The following UVRAG variants were observed in gnomAD, a reference collection of about 807,000 sequenced individuals.
UVRAG encodes UV radiation resistance-associated gene protein.
UVRAG carries 19 observed loss-of-function variants against 78.0 expected under a neutral mutation model. The ratio of observed to expected loss-of-function variants is 0.24; its 90% CI spans 0.17 to 0.36. UVRAG has a LOEUF of 0.36. Ranked by LOEUF, UVRAG falls within the 10% of genes least tolerant of loss-of-function variation. The pLI, the probability that UVRAG is intolerant of heterozygous loss-of-function variation, is 1.00. For missense variants in UVRAG, 740 were observed against 853.8 expected, an observed-to-expected ratio of 0.87 and a Z score of 1.66; for synonymous variants, 323 against 324.6, an observed-to-expected ratio of 1.00 and a Z score of 0.05.
At chr11:75,840,520 C>T (rs1001652280) in intron 1 of UVRAG, among the ~76,000 whole-genome samples, 3 of 152,048 alleles carry the variant, frequency 2.0e-5, no homozygotes, top group South Asian at 2.1e-4. Flanking sequence ...AGTTCAGAGT[C>T]GCAGTTTGTT....
rs1024795820 is a variant in UVRAG at position 75,908,712 on chromosome 11, C to CTTTTTTTT, written c.508-3222_508-3215dup. ...ACCAGTCAAATAATCTGGTTCTGGGCTTTTTTTTTTTTTTTTTTTTTTTTT... is the reference window on the plus strand; with the variant it reads ...ACCAGTCAAATAATCTGGTTCTGGGCTTTTTTTTTTTTTTTTTTTTTTTTTTTTTTTTT... On this transcript the variant is annotated intron_variant, in intron 5 of 14. Transcript: ENST00000356136. 4.8e-4 allele frequency among the ~76,000 whole-genome samples: 22 copies of CTTTTTTTT among 45,452 alleles called. 1 individual carries two copies. The highest frequency in any genetic ancestry group is 1.6e-3 in the African/African-American group (19 of 11,592). The allele number at this position is 45,452 out of a possible 152,430, so 29.8% of individuals were successfully genotyped here.
intron 3 of UVRAG, 118 bp from the exon 4 acceptor site, chr11:75,879,761 C>T: frequency 7.5e-7 from 1 of 1,338,138 alleles, no homozygotes; most frequent in Non-Finnish European, 1.0e-6. Flanking sequence ...CTTAAGTTTG[C>T]AATTTAATGT....
intron 6 of UVRAG, among the ~76,000 whole-genome samples, chr11:75,941,459 C>G (rs1394019704): frequency 2.0e-5 from 3 of 152,110 alleles, no homozygotes; most frequent in African/African-American, 7.2e-5. Context: ...AGAAGTTTCT[C>G]AGGTTTTTTT....
At chr11:75,995,158 A>G (rs928120250) in intron 8 of UVRAG, among the ~76,000 whole-genome samples, 2 of 147,186 alleles carry the variant, frequency 1.4e-5, no homozygotes, top group Non-Finnish European at 3.0e-5. Context: ...CTGATGATAT[A>G]TTTTCCAGCA....
intron 12 of UVRAG, among the ~76,000 whole-genome samples, chr11:76,050,450 T>A (rs1950843058): frequency 6.6e-6 from 1 of 152,244 alleles, no homozygotes; most frequent in African/African-American, 2.4e-5. Context: ...AATAAGAATC[T>A]GAGCTTAACA....
intron 13 of UVRAG, among the ~76,000 whole-genome samples, chr11:76,069,362 A>G (rs1951257764): frequency 1.3e-5 from 2 of 152,158 alleles, no homozygotes; most frequent in Non-Finnish European, 2.9e-5. Context: ...TCAGCACCAT[A>G]TATTAATATT....
chr11:75,866,669 T>C (rs539028004), intron 3 of UVRAG, among the ~76,000 whole-genome samples: 1 of 152,148 alleles, frequency 6.6e-6, no homozygotes, highest in Non-Finnish European at 1.5e-5. Context: ...GCTTCTTTGG[T>C]ATGTAATAAT....
At chr11:76,009,829 T>C (rs1950018877) in intron 11 of UVRAG, among the ~76,000 whole-genome samples, 1 of 152,178 alleles carries the variant, frequency 6.6e-6, no homozygotes, top group Admixed American at 6.5e-5. Flanking sequence ...TAATGTAACC[T>C]TTGAGTTGAT....
chr11:76,021,871 T>C (rs1326193491), intron 12 of UVRAG, among the ~76,000 whole-genome samples: 1 of 152,156 alleles, frequency 6.6e-6, no homozygotes, highest in African/African-American at 2.4e-5. Flanking sequence ...CTAGACAACA[T>C]GGCGAGACAC....
chr11:75,980,157 G>T, intron 7 of UVRAG: 1 of 152,674 alleles, frequency 6.5e-6, no homozygotes, highest in Non-Finnish European at 1.4e-5. Context: ...CTCTCTCTCT[G>T]TTTTGTTTGT....
At chr11:75,849,652 T>C (rs1946112640) in intron 1 of UVRAG, among the ~76,000 whole-genome samples, 1 of 152,222 alleles carries the variant, frequency 6.6e-6, no homozygotes. Context: ...TTGTGGTTTC[T>C]ATCAAGCCTT....
chr11:76,078,454 A>AT (rs1951439213), intron 13 of UVRAG, among the ~76,000 whole-genome samples: 2 of 152,010 alleles, frequency 1.3e-5, no homozygotes, highest in African/African-American at 4.8e-5. Flanking sequence ...ATTGGTTTAA[A>AT]AATATATATA....
At chr11:76,092,237 T>C (rs1019290397) in intron 13 of UVRAG, among the ~76,000 whole-genome samples, 6 of 152,210 alleles carry the variant, frequency 3.9e-5, no homozygotes, top group African/African-American at 1.2e-4. Flanking sequence ...CAGTCTATCA[T>C]TGATGGACAT....
At chr11:76,055,393 A>G (rs1291763409) in intron 12 of UVRAG, among the ~76,000 whole-genome samples, 1 of 152,148 alleles carries the variant, frequency 6.6e-6, no homozygotes, top group African/African-American at 2.4e-5. Context: ...TTGTTTGTTT[A>G]TTTATGTTGT....
intron 12 of UVRAG, among the ~76,000 whole-genome samples, chr11:76,053,372 C>T (rs1375305698): frequency 4.0e-5 from 6 of 149,458 alleles, no homozygotes; most frequent in African/African-American, 1.3e-4. Flanking sequence ...CTCCTTCTCC[C>T]GTGTTTCCCA....
At chr11:75,842,913 T>C (rs2135844423) in intron 1 of UVRAG, among the ~76,000 whole-genome samples, 1 of 152,332 alleles carries the variant, frequency 6.6e-6, no homozygotes, top group South Asian at 2.1e-4. Flanking sequence ...TGTGGGATGG[T>C]TTAGTTTGGT....
At chr11:76,031,970 C>A (rs955109621) in intron 12 of UVRAG, among the ~76,000 whole-genome samples, 3 of 152,084 alleles carry the variant, frequency 2.0e-5, no homozygotes, top group Non-Finnish European at 2.9e-5. Context: ...ATTGGTGTTG[C>A]ATGAAAGTAG....
At chr11:76,097,832 C>T (rs2134438899) in intron 13 of UVRAG, among the ~76,000 whole-genome samples, 1 of 152,210 alleles carries the variant, frequency 6.6e-6, no homozygotes, top group Admixed American at 6.6e-5. Context: ...TTCTGTTAAA[C>T]ATATATATGG....
At chr11:76,002,902 C>G (rs1404885739) in intron 8 of UVRAG, among the ~76,000 whole-genome samples, 5 of 151,928 alleles carry the variant, frequency 3.3e-5, no homozygotes, top group Non-Finnish European at 5.9e-5. Flanking sequence ...ATGGTGAAAC[C>G]CTATCTTTAC....
Sources: gnomAD v4.1 joint callset for allele counts (sites outside exome capture counted in the v4.1 genomes callset) on GRCh38, gnomAD v4.1.1 for gene constraint, MANE v1.5 for transcripts, NCBI Gene and HGNC (gene_info 2026-07-23, HGNC 2026-07-21) for gene names.